RGSL1: variants seen among roughly 807,000 people sequenced by gnomAD.
RGSL1 encodes the protein regulator of G protein signaling like 1.
In RGSL1, 97 loss-of-function variants were observed where a neutral mutation model predicts 124.7. That is an observed-to-expected ratio of 0.78 (90% CI 0.66 to 0.92). The LOEUF (loss-of-function observed/expected upper bound fraction) is 0.92. Among genes scored for constraint, RGSL1 ranks in the 40% least tolerant of loss-of-function variants. The pLI, the probability that RGSL1 is intolerant of heterozygous loss-of-function variation, is 0.00. For missense variants in RGSL1, 1,233 were observed against 1,288.4 expected (o/e 0.96, Z 0.66); for synonymous variants, 424 against 438.1 (o/e 0.97, Z 0.40).
chr1:182,546,774 C>G (rs563722635), intron 15 of RGSL1, among the ~76,000 whole-genome samples: 2 of 152,306 alleles, frequency 1.3e-5, no homozygotes, highest in Admixed American at 1.3e-4. Context: ...AATAACTTTT[C>G]TTTAATGTTC....
chr1:182,455,336 A>AT lies in RGSL1; in HGVS notation c.96+1299dup, dbSNP rs1407604429. ...GTGGCTCATGCCTGTAACCCCAGCAATTTGGGAGGCCAAGGTGGGGGGATC... is the reference window on the plus strand; with the variant it reads ...GTGGCTCATGCCTGTAACCCCAGCAATTTTGGGAGGCCAAGGTGGGGGGATC... On this transcript the variant is annotated intron_variant, in intron 2 of 21. Coordinates refer to ENST00000294854, the MANE Select transcript of RGSL1 (RefSeq NM_001137669.2). Among the ~76,000 whole-genome samples, 4 of 152,220 alleles carry AT rather than the reference A, an allele frequency of 2.6e-5. No individual in the cohort carries two copies. The East Asian group carries it at 7.7e-4, about 29-fold the overall frequency.
chr1:182,457,889 C>T (rs984307510), intron 2 of RGSL1, among the ~76,000 whole-genome samples: 14 of 152,184 alleles, frequency 9.2e-5, no homozygotes, highest in Non-Finnish European at 1.9e-4. Context: ...CATCTTTAGT[C>T]CTCTCTATCT....
chr1:182,511,889 G>C (rs1029330103), intron 9 of RGSL1, among the ~76,000 whole-genome samples: 3 of 152,168 alleles, frequency 2.0e-5, no homozygotes, highest in Admixed American at 6.5e-5. Context: ...CCTTTCATTT[G>C]TGTATATCTT....
At chr1:182,548,290 A>G in intron 15 of RGSL1, 27 bp from the exon 16 acceptor site, 1 of 1,551,406 alleles carries the variant, frequency 6.4e-7, no homozygotes, top group Non-Finnish European at 8.7e-7. Context: ...TCTCCTCCTG[A>G]TTTCCTACTT....
chr1:182,482,737 A>G (rs1372840261), intron 6 of RGSL1, among the ~76,000 whole-genome samples: 1 of 152,214 alleles, frequency 6.6e-6, no homozygotes, highest in Non-Finnish European at 1.5e-5. Context: ...GAAAAGTAGA[A>G]TCACCTTTTG....
intron 10 of RGSL1, among the ~76,000 whole-genome samples, chr1:182,524,148 T>G (rs1658562940): frequency 6.6e-6 from 1 of 152,064 alleles, no homozygotes; most frequent in Non-Finnish European, 1.5e-5. Context: ...ACCAAATAAT[T>G]AGAAAAAGGT....
intron 9 of RGSL1, among the ~76,000 whole-genome samples, chr1:182,514,141 C>A (rs904574675): frequency 6.6e-6 from 1 of 152,152 alleles, no homozygotes; most frequent in Admixed American, 6.5e-5. Flanking sequence ...GATCCACCAA[C>A]CTCAGCCTCT....
intron 15 of RGSL1, among the ~76,000 whole-genome samples, chr1:182,546,936 C>T (rs186527556): frequency 6.6e-6 from 1 of 152,272 alleles, no homozygotes; most frequent in East Asian, 1.9e-4. Context: ...TAAAGGTGTA[C>T]CACTAATCTA....
At chr1:182,472,643 G>T in intron 5 of RGSL1, 86 bp downstream of exon 5, 1 of 1,332,556 alleles carries the variant, frequency 7.5e-7, no homozygotes. Context: ...TTCTTTGCAG[G>T]AAACCCCACC....
Position 182,473,903 on chromosome 1 carries a change from G to T in RGSL1, c.792G>T (p.Trp264Cys). The T allele has an allele frequency of 1.3e-6, 2 of 1,551,918 alleles. No homozygotes were observed. The highest frequency in any genetic ancestry group is 1.7e-6 in the Non-Finnish European group (2 of 1,147,048). Residue 264 changes from tryptophan to cysteine, a missense_variant, in exon 6 of 22, where the codon TGG becomes TGT. Trp to Cys is a radical substitution (Grantham distance 215, BLOSUM62 -2). Transcript: ENST00000294854. ...KMWQLVDPDS[W>C]SLEMDLKPDA... ...GGCAATTGGTAGATCCTGACTCTTG[G>T]TCTCTGGAAATGGATCTCAAGCCAG...
chr1:182,507,646 T>A (rs1166455146), intron 9 of RGSL1, among the ~76,000 whole-genome samples: 1 of 152,228 alleles, frequency 6.6e-6, no homozygotes, highest in Non-Finnish European at 1.5e-5. Flanking sequence ...ATTACTTAGG[T>A]TGATCTCATA....
intron 8 of RGSL1, among the ~76,000 whole-genome samples, chr1:182,492,774 G>T (rs549278553): frequency 6.6e-6 from 1 of 151,688 alleles, no homozygotes; most frequent in Non-Finnish European, 1.5e-5. Context: ...GACCACAGGC[G>T]CCCGCCACCA....
At chr1:182,553,622 A>C (rs988407610) in intron 19 of RGSL1, 81 bp downstream of exon 19, 8 of 1,221,320 alleles carry the variant, frequency 6.6e-6, no homozygotes, top group Non-Finnish European at 9.4e-6. Context: ...CAATCCCCTT[A>C]TTGACAATAA....
chr1:182,465,162 C>G (rs1653189766), intron 4 of RGSL1, among the ~76,000 whole-genome samples: 1 of 149,778 alleles, frequency 6.7e-6, no homozygotes, highest in African/African-American at 2.6e-5. Flanking sequence ...GTACTCTGAA[C>G]AATTGTACAC....
intron 9 of RGSL1, among the ~76,000 whole-genome samples, chr1:182,512,086 C>T (rs1448416590): frequency 2.6e-5 from 4 of 152,018 alleles, no homozygotes. Context: ...GATTTTGTAT[C>T]CTGAAACCTT....
intron 6 of RGSL1, among the ~76,000 whole-genome samples, chr1:182,483,317 G>C (rs897456206): frequency 6.6e-6 from 1 of 152,012 alleles, no homozygotes; most frequent in African/African-American, 2.4e-5. Context: ...TGGAGGACAG[G>C]TTTGTGGTAT....
chr1:182,450,127 G>T (rs760855707), upstream of RGSL1: 6 of 1,551,526 alleles, frequency 3.9e-6, no homozygotes, highest in South Asian at 7.1e-5. Flanking sequence ...GGGTAATTCT[G>T]CCCCTAACAA....
At chr1:182,514,975 A>C (rs1388032587) in intron 9 of RGSL1, among the ~76,000 whole-genome samples, 1 of 152,124 alleles carries the variant, frequency 6.6e-6, no homozygotes, top group Admixed American at 6.5e-5. Flanking sequence ...GAAAGACAGG[A>C]AAGTAGAAGT....
chr1:182,512,601 T>C (rs1373631930), intron 9 of RGSL1, among the ~76,000 whole-genome samples: 1 of 152,214 alleles, frequency 6.6e-6, no homozygotes, highest in African/African-American at 2.4e-5. Context: ...CCCCAGTGTG[T>C]GTGCCACAGT....
Sources: gnomAD v4.1 joint callset for allele counts (sites outside exome capture counted in the v4.1 genomes callset) on GRCh38, gnomAD v4.1.1 for gene constraint, MANE v1.5 for transcripts, NCBI Gene and HGNC (gene_info 2026-07-23, HGNC 2026-07-21) for gene names.